Variants in TLR6 observed in about 807,000 individuals in gnomAD.
TLR6 encodes toll-like receptor 6.
TLR6 carries 9 observed loss-of-function variants against 16.1 expected under a neutral mutation model. The ratio of observed to expected loss-of-function variants is 0.56; its 90% confidence interval spans 0.34 to 0.98. The LOEUF (loss-of-function observed/expected upper bound fraction) is 0.98, where lower values mean the gene tolerates loss of function less well. Among genes scored for constraint, TLR6 ranks in the 50% least tolerant of loss-of-function variants. The pLI is 0.02. For synonymous variants in TLR6, 340 were observed against 338.6 expected (o/e 1.00, Z -0.04); for missense variants, 786 against 921.0 (o/e 0.85, Z 1.90).
At chr4:38,844,510 T>A (rs969923711) in intron 1 of TLR6, among the ~76,000 whole-genome samples, 2 of 151,878 alleles carry the variant, frequency 1.3e-5, no homozygotes, top group African/African-American at 4.8e-5. Flanking sequence ...CACTGTTAGA[T>A]CAAGTAGCAA....
exon 2 of TLR6, chr4:38,824,622 TAA>T (rs1352577852): frequency 1.3e-5 from 2 of 152,176 alleles, no homozygotes; most frequent in African/African-American, 4.8e-5. Flanking sequence ...GGCAACAGTT[TAA>T]AAAATCTGTT....
intron 1 of TLR6, among the ~76,000 whole-genome samples, chr4:38,833,587 G>A (rs1438514487): frequency 6.6e-6 from 1 of 152,204 alleles, no homozygotes; most frequent in Non-Finnish European, 1.5e-5. Context: ...ATTGGAAGCA[G>A]CAGCTATTAC....
exon 2 of TLR6, chr4:38,827,198 G>T: frequency 6.2e-7 from 1 of 1,614,178 alleles, no homozygotes; most frequent in South Asian, 1.1e-5. Context: ...CTGCAAATAA[G>T]TCCGCTGCGT....
the TLR6 span, chr4:38,867,729 GC>G: frequency 6.6e-6 from 1 of 151,036 alleles, no homozygotes; most frequent in Non-Finnish European, 1.5e-5. Flanking sequence ...GCGGGGCGGG[GC>G]CCCCTCTCCA....
At chr4:38,845,864 G>A (rs542291073) in intron 1 of TLR6, among the ~76,000 whole-genome samples, 1 of 152,282 alleles carries the variant, frequency 6.6e-6, no homozygotes, top group African/African-American at 2.4e-5. Context: ...GGCCGAGGTG[G>A]ATGGATTGCC....
the TLR6 span, among the ~76,000 whole-genome samples, chr4:38,862,018 G>T: frequency 1.3e-5 from 2 of 152,114 alleles, no homozygotes; most frequent in Admixed American, 6.5e-5. Context: ...ATTCTCACGC[G>T]ATGATGCTTC....
intron 1 of TLR6, among the ~76,000 whole-genome samples, chr4:38,845,879 G>A (rs1712504467): frequency 1.3e-5 from 2 of 152,016 alleles, no homozygotes; most frequent in South Asian, 4.1e-4. Context: ...ATTGCCTCAG[G>A]TCAGAAGTTC....
At chr4:38,858,798 A>AGAGAGAGAGGGAGAGAGAGAGAGG (rs1560274577), upstream of TLR6, among the ~76,000 whole-genome samples, 1 of 108,930 alleles carries the variant, frequency 9.2e-6, no homozygotes, top group African/African-American at 3.9e-5. Context: ...AGAGGGAGAG[A>AGAGAGAGAGGGAGAGAGAGAGAGG]GAGAGAGAGA....
At chr4:38,825,484 A>C (rs1403404077) in exon 2 of TLR6, 5 of 152,182 alleles carry the variant, frequency 3.3e-5, no homozygotes, top group Admixed American at 2.6e-4. Flanking sequence ...CCTGTAGTTA[A>C]CTATTGAATA....
exon 2 of TLR6, chr4:38,828,975 C>A (rs763934959): frequency 6.2e-7 from 1 of 1,613,668 alleles, no homozygotes; most frequent in South Asian, 1.1e-5. Flanking sequence ...TGCAAGTGAG[C>A]AATTGGCAGC....
At chr4:38,827,447 C>G in exon 2 of TLR6, 1 of 1,614,218 alleles carries the variant, frequency 6.2e-7, no homozygotes, top group Non-Finnish European at 8.5e-7. Context: ...GACAAAGTTT[C>G]TCTCATGAAG....
At chr4:38,849,399 T>A (rs1170504898) in intron 1 of TLR6, among the ~76,000 whole-genome samples, 2 of 152,182 alleles carry the variant, frequency 1.3e-5, no homozygotes, top group African/African-American at 4.8e-5. Flanking sequence ...GCTAACATCA[T>A]AATGACAGAT....
exon 2 of TLR6, chr4:38,828,757 A>C: frequency 6.2e-7 from 1 of 1,613,730 alleles, no homozygotes; most frequent in Non-Finnish European, 8.5e-7. Context: ...ATAAAAATTT[A>C]ATGAAAACTT....
chr4:38,862,245 A>T, the TLR6 span, among the ~76,000 whole-genome samples: 1 of 152,116 alleles, frequency 6.6e-6, no homozygotes, highest in East Asian at 1.9e-4. Context: ...TCTCTACTGT[A>T]TCAACATTTT....
At chr4:38,857,756 C>G (rs533392569), upstream of TLR6, among the ~76,000 whole-genome samples, 1 of 152,292 alleles carries the variant, frequency 6.6e-6, no homozygotes, top group East Asian at 1.9e-4. Flanking sequence ...AAGAGAAAGG[C>G]TGGCTTCTTG....
At chr4:38,841,396 A>G (rs936607191) in intron 1 of TLR6, among the ~76,000 whole-genome samples, 6 of 152,114 alleles carry the variant, frequency 3.9e-5, no homozygotes, top group African/African-American at 1.4e-4. Flanking sequence ...TTTGAGACCA[A>G]CCCGGGCAAC....
chr4:38,859,079 G>A (rs141127335), upstream of TLR6, among the ~76,000 whole-genome samples: 6 of 152,264 alleles, frequency 3.9e-5, no homozygotes, highest in East Asian at 5.8e-4. Context: ...TCCACTTAGC[G>A]CAGCTGGGTA....
chr4:38,826,893 C>T (rs1179727701), exon 2 of TLR6: 2 of 527,184 alleles, frequency 3.8e-6, no homozygotes, highest in Non-Finnish European at 6.6e-6. Flanking sequence ...CCAGAAGAGA[C>T]TGGGCTGTCT....
intron 1 of TLR6, among the ~76,000 whole-genome samples, chr4:38,841,046 T>G (rs1712233775): frequency 1.3e-5 from 2 of 152,086 alleles, no homozygotes; most frequent in East Asian, 1.9e-4. Context: ...TAATTTTTTT[T>G]GGGGGGTGGG....
Sources: gnomAD v4.1 joint callset for allele counts (sites outside exome capture counted in the v4.1 genomes callset) on GRCh38, gnomAD v4.1.1 for gene constraint, MANE v1.5 for transcripts, NCBI Gene and HGNC (gene_info 2026-07-23, HGNC 2026-07-21) for gene names.